The following ENO4 variants were observed in gnomAD, a reference collection of about 807,000 sequenced individuals.
ENO4 encodes 2-phospho-D-glycerate hydro-lyase.
ENO4 carries 53 observed loss-of-function variants against 63.2 expected under a neutral mutation model. The observed-to-expected ratio is 0.84, with a 90% confidence interval of 0.67 to 1.05. ENO4 has a LOEUF of 1.05. Among genes scored for constraint, ENO4 ranks in the 50% least tolerant of loss-of-function variants. The pLI is 0.00. For missense variants in ENO4, 719 were observed against 772.0 expected, an observed-to-expected ratio of 0.93 and a Z score of 0.81; for synonymous variants, 266 against 283.8, an observed-to-expected ratio of 0.94 and a Z score of 0.63.
Position 116,855,634 on chromosome 10 carries a change from T to C in ENO4, c.177T>C (p.Phe59=). 6.5e-7 allele frequency: 1 copy of C among 1,536,202 alleles called. No homozygotes were observed. The highest frequency in any genetic ancestry group is 8.7e-7 in the Non-Finnish European group (1 of 1,146,930). The change falls in exon 2 of 14, where the codon TTT becomes TTC. Residue 59 remains phenylalanine, a synonymous_variant. Transcript: ENST00000341276. ...ADVYGHLANC[F]SKLAKPPTIC... ...TGTGTGTGTTGAAGGCAAACTGCTT[T>C]TCTAAACTTGCAAAGCCTCCCACCA...
intron 11 of ENO4, among the ~76,000 whole-genome samples, chr10:116,878,671 A>G (rs12240686): frequency 0.1 from 15,741 of 151,440 alleles, 1,197 homozygotes; most frequent in East Asian, 0.24. Context: ...AAATGTGTCA[A>G]TCTAATTTGA....
At chr10:116,903,828 A>T (rs776670743) in intron 10 of ENO4, among the ~76,000 whole-genome samples, 1 of 152,198 alleles carries the variant, frequency 6.6e-6, no homozygotes, top group Non-Finnish European at 1.5e-5. Context: ...TACAGCTCTT[A>T]TATTTTTCTT....
intron 1 of ENO4, among the ~76,000 whole-genome samples, chr10:116,854,933 CCTGT>C (rs1781766037): frequency 9.1e-6 from 1 of 110,066 alleles, no homozygotes; most frequent in Non-Finnish European, 1.8e-5. Context: ...AGAGCAAGAC[CCTGT>C]CTCAAAAAAA....
Position 116,868,778 on chromosome 10 carries a change from CAT to C in ENO4, c.1047+74_1047+75del, listed in dbSNP as rs1846612117. 4 of 1,361,698 alleles carry C rather than the reference CAT, an allele frequency of 2.9e-6. No individual in the cohort carries two copies. In the Admixed American group the frequency reaches 7.9e-5, roughly 27 times the overall value. The allele number at this position is 1,361,698 out of a possible 1,614,324, so 84.4% of individuals were successfully genotyped here. A position where few individuals can be genotyped will look rare whatever the true frequency, so the allele number is the denominator to read the frequency against. ...AAATTTCCTGCCCCTTTTTATCTTC[CAT>C]AGTCACTTTTTGCTCCAAGACCAGG... On this transcript the variant is annotated intron_variant, in intron 8 of 13. Transcript: ENST00000341276.
intron 9 of ENO4, among the ~76,000 whole-genome samples, chr10:116,872,567 G>C (rs915668783): frequency 1.3e-5 from 2 of 152,170 alleles, no homozygotes; most frequent in African/African-American, 4.8e-5. Flanking sequence ...CACCATGATT[G>C]TGTGGCCTCC....
chr10:116,865,667 G>A (rs180962071), intron 7 of ENO4, among the ~76,000 whole-genome samples: 74 of 152,314 alleles, frequency 4.9e-4, no homozygotes, highest in African/African-American at 1.8e-3. Context: ...CAAGTCTGGA[G>A]ACATCTGTAG....
At chr10:116,902,669 C>G (rs1170683079) in intron 10 of ENO4, among the ~76,000 whole-genome samples, 1 of 152,224 alleles carries the variant, frequency 6.6e-6, no homozygotes, top group African/African-American at 2.4e-5. Flanking sequence ...CTATCCTAGT[C>G]AGTTTTTCTC....
chr10:116,854,989 A>C (rs1369775839), intron 1 of ENO4, among the ~76,000 whole-genome samples: 1 of 145,250 alleles, frequency 6.9e-6, no homozygotes, highest in African/African-American at 2.5e-5. Context: ...AAAAGAAAAG[A>C]GGGATAGCTT....
At chr10:116,857,282 C>A (rs561948846) in intron 3 of ENO4, among the ~76,000 whole-genome samples, 3 of 152,264 alleles carry the variant, frequency 2.0e-5, no homozygotes, top group African/African-American at 7.2e-5. Flanking sequence ...CCAGAGGATG[C>A]CTTTTTCTTC....
rs780394520 is a variant in ENO4 at position 116,862,805 on chromosome 10, G to C, written c.943G>C (p.Glu315Gln). 7.1e-6 allele frequency: 11 copies of C among 1,549,588 alleles called. No homozygotes were observed. The highest frequency in any genetic ancestry group is 9.6e-6 in the Non-Finnish European group (11 of 1,146,194). The change falls in exon 7 of 14, where the codon GAG (glutamate) becomes CAG (glutamine). Residue 315 changes from glutamate to glutamine, a missense_variant. This residue lies in a region of ENO4 where 544 missense variants were observed against 583.6 expected (regional missense o/e 0.93). Transcript: ENST00000341276. ...ATGGTTGTTCTACTTACAGGGTGTCGAGATGCTTATGGAAATGCAGAAACA... is the reference window on the plus strand; with the variant it reads ...ATGGTTGTTCTACTTACAGGGTGTCCAGATGCTTATGGAAATGCAGAAACA... ...HPELTTKQGV[E>Q]MLMEMQKHIN...
intron 1 of ENO4, among the ~76,000 whole-genome samples, chr10:116,854,306 TC>T (rs1846184139): frequency 1.3e-5 from 2 of 152,160 alleles, no homozygotes; most frequent in African/African-American, 4.8e-5. Context: ...ACGGCTGTAA[TC>T]CCAGCACTTT....
Position 116,860,776 on chromosome 10 carries a change from C to G in ENO4, c.635-18C>G. ...GCATTTAGAAATACAGTCTTACTCT[C>G]AATATTTCTCCCTCCAGGGAGGAAG... On this transcript the variant is annotated intron_variant, in intron 4 of 13. Coordinates refer to ENST00000341276, the MANE Select transcript of ENO4 (RefSeq NM_001242699.2). 7.0e-7 allele frequency: 1 copy of G among 1,427,034 alleles called. No individual in the cohort carries two copies. The highest frequency in any genetic ancestry group is 9.3e-7 in the Non-Finnish European group (1 of 1,073,842). 88.4% of individuals were successfully genotyped at this position (1,427,034 alleles called of 1,614,324 possible).
Position 116,856,615 on chromosome 10 carries a change from A to G in ENO4, c.418A>G (p.Ser140Gly), listed in dbSNP as rs910468625. The G allele has an allele frequency of 1.4e-5, 22 of 1,536,056 alleles. No individual in the cohort carries two copies. The highest frequency in any genetic ancestry group is 1.7e-4 in the Middle Eastern group (1 of 6,012). ...AVSTAVQWVN[S>G]TITHELQGMA... ...GAGCACCGCCGTGCAGTGGGTCAAC[A>G]GCACCATCACGCACGAGCTCCAGGG... Residue 140 changes from serine (S) to glycine (G), a missense_variant, in exon 3 of 14, where the codon AGC (serine) becomes GGC (glycine). Ser to Gly is a moderately conservative substitution (Grantham distance 56). Around this residue, in one of 3 missense-constraint regions of ENO4, gnomAD observed 544 missense variants for 583.6 expected, o/e 0.93. Coordinates refer to ENST00000341276, the MANE Select transcript of ENO4 (RefSeq NM_001242699.2).
chr10:116,909,143 A>G (rs1350916803), intron 10 of ENO4, among the ~76,000 whole-genome samples: 1 of 152,210 alleles, frequency 6.6e-6, no homozygotes, highest in Non-Finnish European at 1.5e-5. Context: ...AGTGAGCCTC[A>G]GGGTCTGGGG....
At position 116,880,044 on chromosome 10, in the gene ENO4, G is replaced by C. The variant is rs533938624; in HGVS notation, c.1723+58G>C. 4.3e-4 allele frequency: 565 copies of C among 1,312,026 alleles called. 11 individuals are homozygous for C. In the South Asian group the frequency reaches 7.2e-3, roughly 17 times the overall value. The allele number at this position is 1,312,026 out of a possible 1,614,324, so 81.3% of individuals were successfully genotyped here. Reference sequence around the variant, plus strand: ...AGCCATGAATAAGAGAACAAAGATTGGAAGAGGGGGAATAGAAGTCCCTCT... The same window carrying C: ...AGCCATGAATAAGAGAACAAAGATTCGAAGAGGGGGAATAGAAGTCCCTCT... On this transcript the variant is annotated intron_variant, in intron 13 of 13. Coordinates refer to ENST00000341276, the MANE Select transcript of ENO4 (RefSeq NM_001242699.2).
intron 7 of ENO4, among the ~76,000 whole-genome samples, chr10:116,868,226 G>A (rs955219712): frequency 5.3e-5 from 8 of 152,212 alleles, no homozygotes; most frequent in African/African-American, 1.9e-4. Flanking sequence ...AATATGTTGG[G>A]CCTGTAAAAG....
rs1201852917 is a variant in ENO4, at chr10:116,881,608, T to C, written c.1817T>C (p.Val606Ala). 2.6e-6 allele frequency: 4 copies of C among 1,550,476 alleles called. No individual in the cohort carries two copies. In the Admixed American group the frequency reaches 5.9e-5, roughly 23 times the overall value. Residue 606 changes from valine to alanine, a missense_variant, in exon 14 of 14, where the codon GTG becomes GCG. Coordinates refer to ENST00000341276, the MANE Select transcript of ENO4 (RefSeq NM_001242699.2). ...LEAAAAREPLVPTFPTQGVEE... is the reference protein window; with the variant it reads ...LEAAAAREPLAPTFPTQGVEE... ...GCTGCTGCGGCTAGGGAGCCGCTGGTGCCCACCTTCCCCACACAAGGTGTA... is the reference window on the plus strand; with the variant it reads ...GCTGCTGCGGCTAGGGAGCCGCTGGCGCCCACCTTCCCCACACAAGGTGTA...
intron 10 of ENO4, chr10:116,901,314 T>G: frequency 2.0e-6 from 2 of 985,330 alleles, no homozygotes; most frequent in Non-Finnish European, 2.4e-6. Flanking sequence ...ATTTTCAGGA[T>G]AGAGCAATAT....
intron 10 of ENO4, among the ~76,000 whole-genome samples, chr10:116,888,581 T>C (rs748478895): frequency 4.2e-4 from 64 of 152,296 alleles, no homozygotes; most frequent in African/African-American, 1.2e-3. Flanking sequence ...ATCTTGATGA[T>C]GCAAGACAAT....
Sources: allele counts gnomAD v4.1 joint callset (sites outside exome capture counted in the v4.1 genomes callset), GRCh38; gene constraint gnomAD v4.1.1; regional missense constraint gnomAD v4.1.1; transcripts MANE v1.5; gene names NCBI Gene and HGNC (gene_info 2026-07-23, HGNC 2026-07-21).